The following COMMD1 variants were observed in gnomAD, a reference collection of about 807,000 sequenced individuals.
COMMD1 encodes the protein copper metabolism domain containing 1.
Under a neutral mutation model 17.2 loss-of-function variants are expected in COMMD1, and 10 were observed. That is an observed-to-expected ratio of 0.58 (90% CI 0.36 to 0.99). The LOEUF (loss-of-function observed/expected upper bound fraction) is 0.99, where lower values mean the gene tolerates loss of function less well. Among genes scored for constraint, COMMD1 ranks in the 50% least tolerant of loss-of-function variants. The pLI, the probability that COMMD1 is intolerant of heterozygous loss-of-function variation, is 0.01. For missense variants in COMMD1, 270 were observed against 231.8 expected, an observed-to-expected ratio of 1.17 and a Z score of -1.07; for synonymous variants, 97 against 91.6, an observed-to-expected ratio of 1.06 and a Z score of -0.34.
chr2:62,050,909 C>A (rs913162083), intron 2 of COMMD1, among the ~76,000 whole-genome samples: 1 of 152,060 alleles, frequency 6.6e-6, no homozygotes, highest in Non-Finnish European at 1.5e-5. Flanking sequence ...ACAAACAGAA[C>A]CCCTTTTCTT....
chr2:61,998,226 C>A (rs566315788), intron 1 of COMMD1, among the ~76,000 whole-genome samples: 1 of 149,966 alleles, frequency 6.7e-6, no homozygotes, highest in South Asian at 2.1e-4. Flanking sequence ...TCCATATCAG[C>A]AATAAGGCTG....
At chr2:61,979,687 G>A (rs1671904157) in intron 1 of COMMD1, among the ~76,000 whole-genome samples, 1 of 151,914 alleles carries the variant, frequency 6.6e-6, no homozygotes, top group Non-Finnish European at 1.5e-5. Context: ...GTGTACAAGG[G>A]TTCCCTTTTC....
chr2:62,096,252 C>A (rs1672006949), intron 2 of COMMD1, among the ~76,000 whole-genome samples: 1 of 152,186 alleles, frequency 6.6e-6, no homozygotes, highest in African/African-American at 2.4e-5. Flanking sequence ...GACTGTTACT[C>A]TTCTCCATAT....
intron 2 of COMMD1, among the ~76,000 whole-genome samples, chr2:62,095,798 C>G (rs1671985533): frequency 2.1e-5 from 1 of 48,738 alleles, no homozygotes; most frequent in African/African-American, 2.4e-4. Flanking sequence ...AGTCAAGTTT[C>G]ACAGCATGCA....
At chr2:62,040,678 T>C (rs1199355145) in intron 2 of COMMD1, among the ~76,000 whole-genome samples, 1 of 152,128 alleles carries the variant, frequency 6.6e-6, no homozygotes, top group African/African-American at 2.4e-5. Context: ...TGTGTCATAG[T>C]CTTTAGTACA....
At chr2:61,901,482 GC>G (rs551428193), upstream of COMMD1, among the ~76,000 whole-genome samples, 2 of 151,858 alleles carry the variant, frequency 1.3e-5, no homozygotes, top group Non-Finnish European at 2.9e-5. Flanking sequence ...AATTAGGTCA[GC>G]GTGGTGGTGT....
At chr2:62,130,270 CT>C (rs752361308) in intron 2 of COMMD1, among the ~76,000 whole-genome samples, 7,727 of 141,798 alleles carry the variant, frequency 0.054, 433 homozygotes, top group African/African-American at 0.15. Context: ...CTTTATGTGA[CT>C]TTTTTTTTTT....
chr2:62,086,691 A>G (rs1026860762), intron 2 of COMMD1, among the ~76,000 whole-genome samples: 2 of 152,134 alleles, frequency 1.3e-5, no homozygotes, highest in African/African-American at 2.4e-5. Flanking sequence ...AATGTCCTCA[A>G]TGTGAATAGT....
chr2:62,003,045 C>T (rs1466355624), intron 2 of COMMD1, among the ~76,000 whole-genome samples: 1 of 150,878 alleles, frequency 6.6e-6, no homozygotes, highest in Non-Finnish European at 1.5e-5. Context: ...CCAGCCTGGC[C>T]AACATGGGGA....
chr2:62,004,681 T>C (rs1036793748), intron 2 of COMMD1, among the ~76,000 whole-genome samples: 1 of 152,340 alleles, frequency 6.6e-6, no homozygotes, highest in Non-Finnish European at 1.5e-5. Flanking sequence ...GAACCTAGAC[T>C]GGCAGTAAAA....
At chr2:62,090,073 C>A (rs1671784272) in intron 2 of COMMD1, among the ~76,000 whole-genome samples, 2 of 152,058 alleles carry the variant, frequency 1.3e-5, no homozygotes, top group Non-Finnish European at 2.9e-5. Flanking sequence ...GAGATGGAGT[C>A]AGGCCTAGGG....
chr2:61,998,005 T>C (rs1668812081), intron 1 of COMMD1, among the ~76,000 whole-genome samples: 1 of 152,258 alleles, frequency 6.6e-6, no homozygotes, highest in Non-Finnish European at 1.5e-5. Flanking sequence ...CAGCACTTGC[T>C]GCTTCATCTT....
chr2:61,996,870 G>A (rs74261695), intron 1 of COMMD1, among the ~76,000 whole-genome samples: 1 of 152,062 alleles, frequency 6.6e-6, no homozygotes, highest in East Asian at 1.9e-4. Context: ...ATCCATGAGG[G>A]ATGGAATCAA....
intron 2 of COMMD1, among the ~76,000 whole-genome samples, chr2:62,022,611 A>G (rs1393961120): frequency 6.6e-6 from 1 of 151,114 alleles, no homozygotes; most frequent in Non-Finnish European, 1.5e-5. Context: ...TTTTGGCCAA[A>G]TCAATAGCTG....
At chr2:62,068,572 C>T (rs1375432303) in intron 2 of COMMD1, among the ~76,000 whole-genome samples, 1 of 149,418 alleles carries the variant, frequency 6.7e-6, no homozygotes, top group Non-Finnish European at 1.5e-5. Context: ...TTGGAGAATG[C>T]AATTGGGAAG....
At chr2:62,017,512 TA>T (rs200309029) in intron 2 of COMMD1, among the ~76,000 whole-genome samples, 4 of 150,406 alleles carry the variant, frequency 2.7e-5, no homozygotes, top group African/African-American at 9.8e-5. Context: ...TACAAAAAAT[TA>T]AAAAAAATTA....
At chr2:62,071,693 C>T (rs1209741526) in intron 2 of COMMD1, among the ~76,000 whole-genome samples, 1 of 151,966 alleles carries the variant, frequency 6.6e-6, no homozygotes, top group Non-Finnish European at 1.5e-5. Flanking sequence ...AAAATAAAAT[C>T]CTAAGCCTCC....
upstream of COMMD1, among the ~76,000 whole-genome samples, chr2:61,904,496 C>G (rs534179807): frequency 1.3e-5 from 2 of 152,220 alleles, no homozygotes; most frequent in African/African-American, 4.8e-5. Context: ...TCTGGAGTCA[C>G]CAATACCACA....
chr2:62,006,543 G>GT (rs1448999002), intron 2 of COMMD1, among the ~76,000 whole-genome samples: 1 of 152,052 alleles, frequency 6.6e-6, no homozygotes, highest in Non-Finnish European at 1.5e-5. Flanking sequence ...TGTAGTGAAT[G>GT]TTTTTTCCAA....
Sources: gnomAD v4.1 joint callset for allele counts (sites outside exome capture counted in the v4.1 genomes callset) on GRCh38, gnomAD v4.1.1 for gene constraint, MANE v1.5 for transcripts, NCBI Gene and HGNC (gene_info 2026-07-23, HGNC 2026-07-21) for gene names.